ADK: variants seen among roughly 807,000 people sequenced by gnomAD.
ADK encodes the protein adenosine kinase, also known as N6,N6-dimethyladenosine kinase.
ADK carries 24 observed loss-of-function variants against 44.7 expected under a neutral mutation model. That is an observed-to-expected ratio of 0.54 (90% confidence interval 0.39 to 0.76). The LOEUF is 0.76. ADK is among the 30% of genes least tolerant of loss of function. The pLI is 0.00. For missense variants in ADK, 321 were observed against 425.1 expected (o/e 0.76, Z 2.15); for synonymous variants, 128 against 142.6 (o/e 0.90, Z 0.73).
At position 74,604,205 on chromosome 10, in the gene ADK, G is replaced by A. The variant is rs938678805; in HGVS notation, c.877+3712G>A. On this transcript the variant is annotated intron_variant, in intron 9 of 10. Coordinates refer to ENST00000539909, the MANE Select transcript of ADK (RefSeq NM_006721.4). Reference sequence around the variant, plus strand: ...TTTTCTCCCATTCTGTAGGTTGCCCGTTCACTCTGATGATAGTTTCATTTG... The same window carrying A: ...TTTTCTCCCATTCTGTAGGTTGCCCATTCACTCTGATGATAGTTTCATTTG... 1.1e-4 allele frequency among the ~76,000 whole-genome samples: 17 copies of A among 152,116 alleles called. 1 individual carries two copies. The highest frequency in any genetic ancestry group is 8.3e-4 in the South Asian group (4 of 4,820).
At chr10:74,599,133 C>T (rs1320253630) in intron 8 of ADK, among the ~76,000 whole-genome samples, 1 of 152,146 alleles carries the variant, frequency 6.6e-6, no homozygotes, top group South Asian at 2.1e-4. Flanking sequence ...AAATAAGCAA[C>T]CGAAAGCGAA....
At chr10:74,514,362 A>G (rs1848477633) in intron 6 of ADK, among the ~76,000 whole-genome samples, 1 of 151,974 alleles carries the variant, frequency 6.6e-6, no homozygotes, top group Admixed American at 6.6e-5. Context: ...ATTTCATTAA[A>G]TATGTTTTTC....
intron 10 of ADK, among the ~76,000 whole-genome samples, chr10:74,696,273 G>A (rs865924782): frequency 3.3e-5 from 5 of 150,910 alleles, no homozygotes; most frequent in South Asian, 4.2e-4. Flanking sequence ...CACCAGCCTC[G>A]GCCTCCCAAA....
chr10:74,526,919 A>C (rs906733803), intron 7 of ADK, among the ~76,000 whole-genome samples: 8 of 152,242 alleles, frequency 5.3e-5, no homozygotes, highest in African/African-American at 1.4e-4. Context: ...ACATTAAAGC[A>C]TTGGTCTCAG....
chr10:74,684,795 T>G (rs1243533971), intron 10 of ADK, among the ~76,000 whole-genome samples: 1 of 152,134 alleles, frequency 6.6e-6, no homozygotes, highest in Admixed American at 6.5e-5. Context: ...AAAACATGTC[T>G]TTGTAGAAAA....
At chr10:74,491,957 A>AT (rs1346512205) in intron 6 of ADK, among the ~76,000 whole-genome samples, 2 of 152,166 alleles carry the variant, frequency 1.3e-5, no homozygotes, top group Non-Finnish European at 2.9e-5. Context: ...AGTTTTTTTA[A>AT]TTTTAACTTT....
At chr10:74,382,581 C>T (rs1335348929) in intron 4 of ADK, among the ~76,000 whole-genome samples, 7 of 151,942 alleles carry the variant, frequency 4.6e-5, no homozygotes, top group Non-Finnish European at 1.0e-4. Flanking sequence ...GTTTTGGAGA[C>T]CTTTGGAGAT....
chr10:74,561,891 G>A (rs768650200), intron 7 of ADK, among the ~76,000 whole-genome samples: 1 of 152,168 alleles, frequency 6.6e-6, no homozygotes, highest in Non-Finnish European at 1.5e-5. Context: ...ACTTTGCCTT[G>A]TAATTTTCTA....
chr10:74,567,542 AT>A (rs1850716910), intron 7 of ADK, among the ~76,000 whole-genome samples: 1 of 152,100 alleles, frequency 6.6e-6, no homozygotes, highest in Admixed American at 6.5e-5. Context: ...CTTACTTGCT[AT>A]TCTCAGGACA....
intron 7 of ADK, among the ~76,000 whole-genome samples, chr10:74,565,623 AG>A (rs1464584478): frequency 6.7e-6 from 1 of 148,594 alleles, no homozygotes; most frequent in African/African-American, 2.5e-5. Context: ...GCTACTGGGG[AG>A]GCTGAGGCAG....
chr10:74,646,576 T>A (rs577210903), intron 9 of ADK, among the ~76,000 whole-genome samples: 19 of 152,330 alleles, frequency 1.2e-4, no homozygotes, highest in African/African-American at 4.6e-4. Context: ...AAATACCACA[T>A]GCTGAGGAAA....
At chr10:74,397,044 G>A (rs182334562) in intron 5 of ADK, among the ~76,000 whole-genome samples, 2 of 151,912 alleles carry the variant, frequency 1.3e-5, no homozygotes, top group African/African-American at 2.4e-5. Flanking sequence ...TCAGAATAGA[G>A]TTTAGTATCT....
chr10:74,642,349 G>T (rs1589325587), intron 9 of ADK, among the ~76,000 whole-genome samples: 3 of 137,362 alleles, frequency 2.2e-5, no homozygotes, highest in African/African-American at 5.6e-5. Flanking sequence ...TACATTTTTT[G>T]ATGCACTCAA....
intron 7 of ADK, among the ~76,000 whole-genome samples, chr10:74,533,171 A>G (rs1201673990): frequency 2.6e-5 from 4 of 152,192 alleles, no homozygotes; most frequent in African/African-American, 9.6e-5. Context: ...CAAATGGGAG[A>G]TATATCATGT....
At chr10:74,350,480 C>T (rs1473020219) in intron 4 of ADK, among the ~76,000 whole-genome samples, 1 of 152,100 alleles carries the variant, frequency 6.6e-6, no homozygotes, top group African/African-American at 2.4e-5. Flanking sequence ...CTGAAATCAA[C>T]ACCCCAACAT....
intron 3 of ADK, among the ~76,000 whole-genome samples, chr10:74,257,399 A>G (rs1199477297): frequency 6.6e-6 from 1 of 152,238 alleles, no homozygotes; most frequent in African/African-American, 2.4e-5. Context: ...GTATTTGCAT[A>G]ATAAGGAAAT....
Position 74,480,391 on chromosome 10 carries a change from G to A in ADK, c.556-44865G>A, listed in dbSNP as rs190017748. Among the ~76,000 whole-genome samples the A allele has an allele frequency of 5.9e-4, 90 of 151,872 alleles. 1 individual carries two copies. Among genetic ancestry groups the A allele is most frequent in the Non-Finnish European group, 1.1e-3 (75 of 67,924 alleles). On this transcript the variant is annotated intron_variant, in intron 6 of 10. Transcript: ENST00000539909. ...CTACAGGCATGTGCCACCATACCTG[G>A]CTAATTTGTTGTTTTTTGTTGTTTA...
intron 2 of ADK, among the ~76,000 whole-genome samples, chr10:74,213,231 G>A (rs1013084070): frequency 1.3e-5 from 2 of 151,986 alleles, no homozygotes; most frequent in African/African-American, 4.8e-5. Flanking sequence ...TCAGCCTCCC[G>A]AGTAGCTGGG....
Position 74,249,496 on chromosome 10 carries a change from T to TACACAC in ADK, c.194+24931_194+24936dup, listed in dbSNP as rs72380023. ...TTTATTGTATATGCATGTACATGCATACACACACACACACACACACACACA... is the reference window on the plus strand; with the variant it reads ...TTTATTGTATATGCATGTACATGCATACACACACACACACACACACACACACACACA... On this transcript the variant is annotated intron_variant, in intron 3 of 10. Transcript: ENST00000539909. Among the ~76,000 whole-genome samples the TACACAC allele has an allele frequency of 8.0e-4, 120 of 149,160 alleles. 1 individual carries two copies. The highest frequency in any genetic ancestry group is 2.4e-3 in the African/African-American group (96 of 40,698).
Sources: allele counts gnomAD v4.1 joint callset (sites outside exome capture counted in the v4.1 genomes callset), GRCh38; gene constraint gnomAD v4.1.1; transcripts MANE v1.5; gene names NCBI Gene and HGNC (gene_info 2026-07-23, HGNC 2026-07-21).